The following LRFN5 variants were observed in gnomAD, a reference collection of about 807,000 sequenced individuals.
LRFN5 encodes the protein leucine-rich repeat and fibronectin type-III domain-containing protein 5.
In LRFN5, 24 loss-of-function variants were observed where a neutral mutation model predicts 45.6. That is an observed-to-expected ratio of 0.53 (90% confidence interval 0.38 to 0.74). The LOEUF (loss-of-function observed/expected upper bound fraction) is 0.74, where lower values mean the gene tolerates loss of function less well. Ranked by LOEUF, LRFN5 falls within the 30% of genes least tolerant of loss-of-function variation. The probability of loss-of-function intolerance (pLI) is 0.00; values close to 1 mark genes in which losing one functional copy is unlikely to be tolerated. For synonymous variants in LRFN5, 340 were observed against 313.8 expected, an observed-to-expected ratio of 1.08 and a Z score of -0.88; for missense variants, 776 against 861.5, an observed-to-expected ratio of 0.90 and a Z score of 1.24.
intron 1 of LRFN5, among the ~76,000 whole-genome samples, chr14:41,657,807 TTGG>T (rs1880450239): frequency 6.6e-6 from 1 of 151,948 alleles, no homozygotes; most frequent in Non-Finnish European, 1.5e-5. Context: ...TGTGGAATTG[TTGG>T]TGAACCTTAA....
intron 1 of LRFN5, among the ~76,000 whole-genome samples, chr14:41,740,388 A>T (rs1423951747): frequency 6.6e-6 from 1 of 152,042 alleles, no homozygotes; most frequent in African/African-American, 2.4e-5. Flanking sequence ...GGCTCAATGC[A>T]CATAAATCAA....
intron 1 of LRFN5, among the ~76,000 whole-genome samples, chr14:41,722,641 A>C (rs1416510118): frequency 6.7e-6 from 1 of 149,216 alleles, no homozygotes; most frequent in Non-Finnish European, 1.5e-5. Context: ...TGTTGGGAAG[A>C]GTCTTTTTGC....
intron 1 of LRFN5, among the ~76,000 whole-genome samples, chr14:41,630,945 G>A (rs1185067211): frequency 1.3e-5 from 2 of 152,036 alleles, no homozygotes; most frequent in Non-Finnish European, 2.9e-5. Context: ...GACTGTTGGG[G>A]TGAATTAGGT....
chr14:41,842,501 T>C (rs1021387931), intron 2 of LRFN5, among the ~76,000 whole-genome samples: 2 of 151,890 alleles, frequency 1.3e-5, no homozygotes, highest in African/African-American at 4.8e-5. Context: ...TGTAGTCTAT[T>C]AGTATTTGTA....
chr14:41,876,066 C>T (rs1271929612), intron 2 of LRFN5, among the ~76,000 whole-genome samples: 1 of 151,984 alleles, frequency 6.6e-6, no homozygotes, highest in Non-Finnish European at 1.5e-5. Context: ...GCACTAAATC[C>T]AAGTTCTGTT....
intron 1 of LRFN5, among the ~76,000 whole-genome samples, chr14:41,609,034 C>T (rs1413875491): frequency 1.3e-5 from 2 of 152,172 alleles, no homozygotes; most frequent in Non-Finnish European, 2.9e-5. Flanking sequence ...TGTGGAGGAG[C>T]TTGCCAGATC....
chr14:41,697,024 T>C (rs1882642086), intron 1 of LRFN5, among the ~76,000 whole-genome samples: 1 of 152,156 alleles, frequency 6.6e-6, no homozygotes, highest in East Asian at 1.9e-4. Context: ...TTTCAATTGT[T>C]AATCTGCACT....
chr14:41,738,328 C>T (rs1884537162), intron 1 of LRFN5, among the ~76,000 whole-genome samples: 3 of 152,068 alleles, frequency 2.0e-5, no homozygotes, highest in Admixed American at 2.0e-4. Flanking sequence ...TTCCTCACAC[C>T]TTATGCAAAA....
intron 1 of LRFN5, among the ~76,000 whole-genome samples, chr14:41,746,187 A>G (rs1012066321): frequency 1.3e-5 from 2 of 152,060 alleles, no homozygotes; most frequent in Non-Finnish European, 2.9e-5. Flanking sequence ...CTAGAATGGA[A>G]TGATGGCTCT....
At chr14:41,822,219 AT>A (rs1258615708) in intron 2 of LRFN5, among the ~76,000 whole-genome samples, 1 of 150,550 alleles carries the variant, frequency 6.6e-6, no homozygotes. Flanking sequence ...TTATGTTCTT[AT>A]TTTTCTATTT....
At chr14:41,876,385 C>A (rs1390730931) in intron 2 of LRFN5, among the ~76,000 whole-genome samples, 20 of 149,332 alleles carry the variant, frequency 1.3e-4, no homozygotes, top group African/African-American at 4.2e-4. Flanking sequence ...GGTTCACGCC[C>A]TTCTCCTGCC....
intron 1 of LRFN5, among the ~76,000 whole-genome samples, chr14:41,757,784 TC>T (rs759705725): frequency 4.1e-4 from 62 of 152,194 alleles, no homozygotes; most frequent in Middle Eastern, 3.4e-3. Context: ...TGTCTGACAC[TC>T]CCCAGTGAGA....
intron 2 of LRFN5, among the ~76,000 whole-genome samples, chr14:41,872,769 A>G (rs371199868): frequency 7.2e-5 from 11 of 152,328 alleles, no homozygotes; most frequent in African/African-American, 2.6e-4. Context: ...TACAAAACAA[A>G]CATTCTGGGC....
chr14:41,704,899 T>C (rs1250242044), intron 1 of LRFN5, among the ~76,000 whole-genome samples: 5 of 152,070 alleles, frequency 3.3e-5, no homozygotes, highest in African/African-American at 9.7e-5. Flanking sequence ...AGCAATTAGG[T>C]TTCTGGATTC....
At chr14:41,889,590 C>T (rs1406015780) in intron 3 of LRFN5, among the ~76,000 whole-genome samples, 1 of 151,990 alleles carries the variant, frequency 6.6e-6, no homozygotes, top group Non-Finnish European at 1.5e-5. Context: ...TTTCCAAATT[C>T]CAGGATCTTA....
chr14:41,839,936 A>G (rs543511595), intron 2 of LRFN5, among the ~76,000 whole-genome samples: 2 of 152,124 alleles, frequency 1.3e-5, no homozygotes, highest in African/African-American at 4.8e-5. Flanking sequence ...TGCTGTTTGT[A>G]CTATAAATAG....
At chr14:41,821,668 C>G (rs78419849) in intron 2 of LRFN5, among the ~76,000 whole-genome samples, 1,891 of 142,658 alleles carry the variant, frequency 0.013, 37 homozygotes, top group African/African-American at 0.046. Flanking sequence ...AGGATTTCCT[C>G]TTTTTTGATT....
chr14:41,677,439 C>G (rs1881684549), intron 1 of LRFN5, among the ~76,000 whole-genome samples: 1 of 151,820 alleles, frequency 6.6e-6, no homozygotes, highest in Non-Finnish European at 1.5e-5. Context: ...ATAAACATAT[C>G]AAAGAAACTA....
chr14:41,707,631 T>C (rs1316513422), intron 1 of LRFN5, among the ~76,000 whole-genome samples: 7 of 152,144 alleles, frequency 4.6e-5, no homozygotes, highest in Non-Finnish European at 1.0e-4. Context: ...TCTCTTAATC[T>C]ATTTTCTGTT....
Sources: gnomAD v4.1 joint callset for allele counts (sites outside exome capture counted in the v4.1 genomes callset) on GRCh38, gnomAD v4.1.1 for gene constraint, MANE v1.5 for transcripts, NCBI Gene and HGNC (gene_info 2026-07-23, HGNC 2026-07-21) for gene names.